The following CFAP299 variants were observed in gnomAD, a reference collection of about 807,000 sequenced individuals.
CFAP299 encodes the protein cilia- and flagella-associated protein 299.
CFAP299 carries 21 observed loss-of-function variants against 27.0 expected under a neutral mutation model. That is an observed-to-expected ratio of 0.78 (90% CI 0.55 to 1.12). The LOEUF (loss-of-function observed/expected upper bound fraction) is 1.12. CFAP299 is among the 50% of genes most tolerant of loss of function. CFAP299 has a pLI of 0.00. For synonymous variants in CFAP299, 104 were observed against 98.1 expected (o/e 1.06, Z -0.36); for missense variants, 310 against 276.6 (o/e 1.12, Z -0.86).
At chr4:80,425,263 C>T (rs1380536452) in intron 2 of CFAP299, among the ~76,000 whole-genome samples, 2 of 152,136 alleles carry the variant, frequency 1.3e-5, no homozygotes, top group Non-Finnish European at 2.9e-5. Context: ...TACTCTTTCA[C>T]ATGGTATTTT....
chr4:80,351,541 A>C (rs80048305), intron 1 of CFAP299, among the ~76,000 whole-genome samples: 7,715 of 152,148 alleles, frequency 0.051, 665 homozygotes, highest in African/African-American at 0.18. Flanking sequence ...ATAGAAAGCA[A>C]AAATAATCAA....
intron 3 of CFAP299, among the ~76,000 whole-genome samples, chr4:80,771,791 T>G (rs1726229876): frequency 6.6e-6 from 1 of 152,194 alleles, no homozygotes; most frequent in Admixed American, 6.5e-5. Context: ...AGAGAAGGCA[T>G]GGTCATTTAA....
chr4:80,782,539 T>C (rs935937651), intron 3 of CFAP299, among the ~76,000 whole-genome samples: 5 of 146,022 alleles, frequency 3.4e-5, no homozygotes, highest in African/African-American at 1.2e-4. Flanking sequence ...TATACATATA[T>C]GAATATATAA....
At chr4:80,440,229 G>C (rs1728291769) in intron 2 of CFAP299, among the ~76,000 whole-genome samples, 2 of 152,144 alleles carry the variant, frequency 1.3e-5, no homozygotes, top group South Asian at 4.1e-4. Context: ...TCCTCAGGTG[G>C]GTCCCTGACC....
intron 3 of CFAP299, among the ~76,000 whole-genome samples, chr4:80,829,197 C>A (rs1730160591): frequency 6.6e-6 from 1 of 151,728 alleles, no homozygotes; most frequent in African/African-American, 2.4e-5. Context: ...AATTAATATT[C>A]AGAATATATA....
chr4:80,934,252 C>A (rs1183681638), intron 4 of CFAP299, among the ~76,000 whole-genome samples: 1 of 151,880 alleles, frequency 6.6e-6, no homozygotes, highest in Non-Finnish European at 1.5e-5. Flanking sequence ...TCCTTGTATC[C>A]GAGGGATAAA....
chr4:80,453,618 A>G (rs1359631731), intron 2 of CFAP299, among the ~76,000 whole-genome samples: 2 of 151,900 alleles, frequency 1.3e-5, no homozygotes, highest in African/African-American at 4.8e-5. Context: ...AGGTGGGTGG[A>G]TCATTTGAGG....
intron 2 of CFAP299, among the ~76,000 whole-genome samples, chr4:80,412,749 A>G (rs999105486): frequency 6.6e-6 from 1 of 152,234 alleles, no homozygotes. Flanking sequence ...ATATCAAGAA[A>G]TGATGCCTTG....
At chr4:80,390,694 T>C (rs537508316) in intron 2 of CFAP299, among the ~76,000 whole-genome samples, 21 of 102,420 alleles carry the variant, frequency 2.1e-4, no homozygotes, top group Non-Finnish European at 3.6e-4. Flanking sequence ...CACATATATG[T>C]GTATATATGT....
At chr4:80,369,975 A>G (rs1020876703) in intron 2 of CFAP299, among the ~76,000 whole-genome samples, 2 of 152,156 alleles carry the variant, frequency 1.3e-5, no homozygotes, top group Non-Finnish European at 2.9e-5. Flanking sequence ...TGCTGTAAAG[A>G]AATATCTGAG....
intron 3 of CFAP299, among the ~76,000 whole-genome samples, chr4:80,623,993 C>T (rs191703083): frequency 3.8e-4 from 58 of 152,248 alleles, no homozygotes; most frequent in African/African-American, 1.4e-3. Flanking sequence ...TAACCCAATG[C>T]TGTGCCTATT....
chr4:80,807,232 CT>C (rs1728909789), intron 3 of CFAP299, among the ~76,000 whole-genome samples: 1 of 152,078 alleles, frequency 6.6e-6, no homozygotes, highest in African/African-American at 2.4e-5. Context: ...ATACAGTACA[CT>C]TTGGCATATA....
At chr4:80,713,347 G>A (rs1456202486) in intron 3 of CFAP299, among the ~76,000 whole-genome samples, 1 of 152,210 alleles carries the variant, frequency 6.6e-6, no homozygotes, top group Non-Finnish European at 1.5e-5. Context: ...GCAACATGCT[G>A]TTGTGTGCAG....
chr4:80,370,019 G>T (rs924934960), intron 2 of CFAP299, among the ~76,000 whole-genome samples: 1 of 152,096 alleles, frequency 6.6e-6, no homozygotes, highest in African/African-American at 2.4e-5. Flanking sequence ...AGGTTTAATT[G>T]GTTCATGATT....
At chr4:80,676,186 G>T (rs971835901) in intron 3 of CFAP299, among the ~76,000 whole-genome samples, 13 of 152,024 alleles carry the variant, frequency 8.6e-5, no homozygotes, top group Non-Finnish European at 2.9e-5. Context: ...ATCTTTTATG[G>T]GATTTTTATA....
At chr4:80,633,982 C>CTTTTTT (rs1225649545) in intron 3 of CFAP299, among the ~76,000 whole-genome samples, 10 of 115,162 alleles carry the variant, frequency 8.7e-5, no homozygotes, top group Admixed American at 6.4e-4. Context: ...GAGGAGAAAA[C>CTTTTTT]TTTTTTTTTT....
the CFAP299 span, among the ~76,000 whole-genome samples, chr4:80,328,298 C>T: frequency 0.02 from 3,011 of 152,096 alleles, 90 homozygotes; most frequent in African/African-American, 0.064. Flanking sequence ...GCTTGTATGC[C>T]GTTGGGGTGA....
At chr4:80,376,425 A>C (rs557721870) in intron 2 of CFAP299, among the ~76,000 whole-genome samples, 4 of 152,298 alleles carry the variant, frequency 2.6e-5, no homozygotes, top group African/African-American at 9.6e-5. Context: ...TCTTAAGTAT[A>C]TATCCAGGAA....
At chr4:80,650,758 T>C (rs928155438) in intron 3 of CFAP299, among the ~76,000 whole-genome samples, 3 of 152,190 alleles carry the variant, frequency 2.0e-5, no homozygotes, top group African/African-American at 7.2e-5. Flanking sequence ...TCTTTTTTGT[T>C]ATTTTAAAAT....
Sources: gnomAD v4.1 joint callset for allele counts (sites outside exome capture counted in the v4.1 genomes callset) on GRCh38, gnomAD v4.1.1 for gene constraint, MANE v1.5 for transcripts, NCBI Gene and HGNC (gene_info 2026-07-23, HGNC 2026-07-21) for gene names.